The following ATXN2 variants were observed in gnomAD, a reference collection of about 807,000 sequenced individuals.
ATXN2 encodes ataxin 2, also known as ataxin-2.
A neutral mutation model predicts 138.6 loss-of-function variants in ATXN2; 37 were observed. That is an observed-to-expected ratio of 0.27 (90% CI 0.21 to 0.35). The LOEUF (loss-of-function observed/expected upper bound fraction) is 0.35. ATXN2 is among the 10% of genes least tolerant of loss of function. The pLI is 1.00. For synonymous variants in ATXN2, 549 were observed against 543.7 expected (o/e 1.01, Z -0.13); for missense variants, 1,216 against 1,480.3 (o/e 0.82, Z 2.93).
Position 111,452,429 on chromosome 12 carries a change from AT to A in ATXN2, c.*382del, listed in dbSNP as rs11348701. 40,707 of 129,196 alleles carry A rather than the reference AT, an allele frequency of 0.32. 7,304 individuals are homozygous for A. The highest frequency in any genetic ancestry group is 0.91 in the East Asian group (3,977 of 4,394). The allele number at this position is 129,196 out of a possible 1,614,324, so 8.0% of individuals were successfully genotyped here. On this transcript the variant is annotated 3_prime_UTR_variant, in exon 25 of 25. Coordinates refer to ENST00000673436, the MANE Select transcript of ATXN2 (RefSeq NM_001372574.1). ...TAGTAAAAGGGCGTTCCAAGTCTTG[AT>A]TTTTTTTTTTTTTTTTTTTTAGCAG...
intron 1 of ATXN2, among the ~76,000 whole-genome samples, chr12:111,585,936 T>A (rs1488811316): frequency 6.6e-6 from 1 of 152,030 alleles, no homozygotes; most frequent in African/African-American, 2.4e-5. Context: ...TAAGGTCTCA[T>A]TTTAACGCCC....
chr12:111,482,319 C>A (rs375752343), intron 18 of ATXN2, among the ~76,000 whole-genome samples: 2 of 151,730 alleles, frequency 1.3e-5, no homozygotes, highest in African/African-American at 4.8e-5. Context: ...CTCAGCCTCC[C>A]GAGTAGCTGG....
chr12:111,469,832 A>G, intron 20 of ATXN2: 1 of 420,198 alleles, frequency 2.4e-6, no homozygotes, highest in Non-Finnish European at 4.2e-6. Context: ...GGAAGAGGAG[A>G]AAGGTACCTT....
rs765255405 is a variant in ATXN2, at chr12:111,598,949, G to GGCTGCGGCGGCT, written c.85_86insAGCCGCCGCAGC (p.Gln28_Pro29insGlnProProGln). On this transcript the variant is annotated inframe_insertion, in exon 1 of 25. Transcript: ENST00000673436. The surrounding 1 kb of genome is among the most constrained non-coding windows in gnomAD (Gnocchi z 4.5). Reference sequence around the variant, plus strand: ...GCGGACATTGGCAGCCGCGGGCGGCGGCTGCTGCTGCTGCTGCTGCTGCTG... The same window carrying GGCTGCGGCGGCT: ...GCGGACATTGGCAGCCGCGGGCGGCGGCTGCGGCGGCTGCTGCTGCTGCTGCTGCTGCTGCTG... 15 of 1,412,072 alleles carry GGCTGCGGCGGCT rather than the reference G, an allele frequency of 1.1e-5. No individual in the cohort carries two copies. The East Asian group carries it at 3.5e-4, about 33-fold the overall frequency. The allele number at this position is 1,412,072 out of a possible 1,614,324, so 87.5% of individuals were successfully genotyped here. A position where few individuals can be genotyped will look rare whatever the true frequency, so the allele number is the denominator to read the frequency against.
intron 1 of ATXN2, among the ~76,000 whole-genome samples, chr12:111,580,922 T>A (rs1883961617): frequency 6.6e-6 from 1 of 151,946 alleles, no homozygotes; most frequent in South Asian, 2.1e-4. Context: ...GTGGATCACC[T>A]GAGGTCATGA....
intron 18 of ATXN2, among the ~76,000 whole-genome samples, chr12:111,476,248 T>C (rs1236463629): frequency 1.3e-5 from 2 of 152,246 alleles, no homozygotes; most frequent in African/African-American, 4.8e-5. Flanking sequence ...CCACTGTTCC[T>C]GGTCAATATG....
At chr12:111,472,840 G>A (rs1375898399) in intron 18 of ATXN2, among the ~76,000 whole-genome samples, 1 of 152,084 alleles carries the variant, frequency 6.6e-6, no homozygotes, top group Non-Finnish European at 1.5e-5. Flanking sequence ...TCCCAAAGAG[G>A]TGGGATTACA....
intron 1 of ATXN2, among the ~76,000 whole-genome samples, chr12:111,561,975 T>C (rs1463249596): frequency 6.6e-6 from 1 of 151,452 alleles, no homozygotes; most frequent in African/African-American, 2.4e-5. Context: ...CCATGCCCAG[T>C]TAATTTTTTG....
At chr12:111,470,411 G>C in intron 19 of ATXN2, 147 bp downstream of exon 19, 1 of 1,143,834 alleles carries the variant, frequency 8.7e-7, no homozygotes, top group South Asian at 1.6e-5. Flanking sequence ...AGTAACCTTC[G>C]AATATATATT....
In ATXN2 at chr12:111,598,435, C is replaced by T; in HGVS notation, c.251+349G>A. The T allele has an allele frequency of 9.1e-6, 9 of 985,628 alleles. No homozygotes were observed. The highest frequency in any genetic ancestry group is 1.1e-5 in the Non-Finnish European group (9 of 830,122). The allele number at this position is 985,628 out of a possible 1,614,324, so 61.1% of individuals were successfully genotyped here. On this transcript the variant is annotated intron_variant, in intron 1 of 24. Transcript: ENST00000673436. The surrounding 1 kb of genome is among the most constrained non-coding windows in gnomAD (Gnocchi z 4.5). ...GAGCTGCCCGAGCATCCCCACGCTG[C>T]GGGCGGAGGATCGTGCGGAAGGGGG...
At chr12:111,490,620 T>G (rs1877959316) in intron 14 of ATXN2, among the ~76,000 whole-genome samples, 1 of 151,900 alleles carries the variant, frequency 6.6e-6, no homozygotes. Flanking sequence ...TGAACAACTA[T>G]CCACACAAGA....
intron 14 of ATXN2, among the ~76,000 whole-genome samples, chr12:111,499,721 G>A (rs1177812546): frequency 1.3e-5 from 2 of 152,014 alleles, no homozygotes; most frequent in Non-Finnish European, 2.9e-5. Flanking sequence ...AAGGCCAGGT[G>A]CAGTGGCTCA....
chr12:111,538,360 A>T (rs1219433301), intron 5 of ATXN2, among the ~76,000 whole-genome samples: 1 of 152,006 alleles, frequency 6.6e-6, no homozygotes, highest in Non-Finnish European at 1.5e-5. Context: ...AGCCCATTAA[A>T]TAAGATAAAA....
intron 13 of ATXN2, 119 bp from the exon 14 acceptor site, chr12:111,509,738 A>G (rs979466187): frequency 7.5e-6 from 7 of 938,670 alleles, no homozygotes; most frequent in Admixed American, 2.8e-5. Context: ...AATTTCAAAT[A>G]TTAAATTTGG....
At chr12:111,509,663 T>G (rs1879386555) in intron 13 of ATXN2, 44 bp from the exon 14 acceptor site, 1 of 1,162,216 alleles carries the variant, frequency 8.6e-7, no homozygotes, top group African/African-American at 1.6e-5. Context: ...ATTTTTAAAC[T>G]TTAACATCAC....
intron 18 of ATXN2, among the ~76,000 whole-genome samples, chr12:111,484,678 C>T (rs1877513480): frequency 6.6e-6 from 1 of 152,058 alleles, no homozygotes; most frequent in South Asian, 2.1e-4. Flanking sequence ...TCAGGTGATA[C>T]ACCCACCTCG....
chr12:111,483,451 TC>T (rs1479083294), intron 18 of ATXN2, among the ~76,000 whole-genome samples: 10 of 131,110 alleles, frequency 7.6e-5, no homozygotes, highest in African/African-American at 3.1e-4. Flanking sequence ...TTAAAAGAAC[TC>T]TTTTTTTTTT....
chr12:111,593,799 A>T (rs1884795975), intron 1 of ATXN2, among the ~76,000 whole-genome samples: 1 of 152,222 alleles, frequency 6.6e-6, no homozygotes, highest in Admixed American at 6.6e-5. Context: ...AATGACCCTC[A>T]ATGTCAATTA....
At chr12:111,549,125 A>C (rs983004386) in intron 5 of ATXN2, among the ~76,000 whole-genome samples, 10 of 152,178 alleles carry the variant, frequency 6.6e-5, no homozygotes, top group African/African-American at 2.4e-4. Context: ...ACCCAGGCTA[A>C]TTATAATTAA....
Sources: gnomAD v4.1 joint callset for allele counts (sites outside exome capture counted in the v4.1 genomes callset) on GRCh38, gnomAD v4.1.1 for gene constraint, Gnocchi (gnomAD v3.1) non-coding constraint, MANE v1.5 for transcripts, NCBI Gene and HGNC (gene_info 2026-07-23, HGNC 2026-07-21) for gene names.